Variants in ALK observed in about 807,000 individuals in gnomAD.
ALK encodes ALK receptor tyrosine kinase, also known as ALK tyrosine kinase receptor.
In ALK, 74 loss-of-function variants were observed where a neutral mutation model predicts 163.1. The observed-to-expected ratio is 0.45, with a 90% CI of 0.38 to 0.55. ALK has a LOEUF of 0.55. ALK is among the 20% of genes least tolerant of loss of function. The pLI is 0.00. For missense variants in ALK, 2,063 were observed against 2,105.3 expected, an observed-to-expected ratio of 0.98 and a Z score of 0.39; for synonymous variants, 960 against 843.2, an observed-to-expected ratio of 1.14 and a Z score of -2.40.
intron 5 of ALK, among the ~76,000 whole-genome samples, chr2:29,379,774 T>C (rs577923274): frequency 1.4e-4 from 21 of 152,360 alleles, no homozygotes; most frequent in African/African-American, 4.6e-4. Flanking sequence ...GGAGACCAGT[T>C]GGCTGCTGCC....
intron 1 of ALK, among the ~76,000 whole-genome samples, chr2:29,873,578 C>T (rs1303805206): frequency 1.3e-5 from 2 of 152,054 alleles, no homozygotes; most frequent in East Asian, 3.9e-4. Flanking sequence ...AACCAAGATG[C>T]TAGAAATATG....
chr2:29,426,534 C>T (rs1308419882), intron 4 of ALK, among the ~76,000 whole-genome samples: 1 of 152,052 alleles, frequency 6.6e-6, no homozygotes, highest in Non-Finnish European at 1.5e-5. Flanking sequence ...AAAACTCTGT[C>T]AATATAAAAA....
intron 4 of ALK, among the ~76,000 whole-genome samples, chr2:29,484,493 T>C (rs4530323): frequency 0.83 from 126,063 of 152,126 alleles, 52,721 homozygotes; most frequent in Non-Finnish European, 0.89. Context: ...GCTTTAAGTA[T>C]AGACTGAACA....
rs111711911 is a variant in ALK, at chr2:29,305,967, T to A, written c.1648-8910A>T. On this transcript the variant is annotated intron_variant, in intron 8 of 28. Transcript: ENST00000389048. ...GCTGATCTGACAGGAGGCAGAGCTCTGGCAGTAACGCGAGGGATGGCGAGT... is the reference window on the plus strand; with the variant it reads ...GCTGATCTGACAGGAGGCAGAGCTCAGGCAGTAACGCGAGGGATGGCGAGT... 8.4e-3 allele frequency among the ~76,000 whole-genome samples: 1,278 copies of A among 152,286 alleles called. 19 individuals are homozygous for A. The highest frequency in any genetic ancestry group is 0.029 in the African/African-American group (1,206 of 41,558).
intron 1 of ALK, among the ~76,000 whole-genome samples, chr2:29,826,023 C>G (rs1429820991): frequency 6.6e-6 from 1 of 151,956 alleles, no homozygotes; most frequent in Non-Finnish European, 1.5e-5. Context: ...AATGCTAAAC[C>G]AAACAAGTTA....
chr2:29,862,906 C>A (rs567348462), intron 1 of ALK, among the ~76,000 whole-genome samples: 1 of 151,540 alleles, frequency 6.6e-6, no homozygotes, highest in African/African-American at 2.4e-5. Flanking sequence ...CATACTGGCA[C>A]AAAAACAGAT....
At chr2:29,657,257 G>A (rs942430003) in intron 3 of ALK, among the ~76,000 whole-genome samples, 3 of 152,128 alleles carry the variant, frequency 2.0e-5, no homozygotes, top group Admixed American at 6.5e-5. Context: ...CTGAGAGGCA[G>A]CTGTTGTGGA....
At chr2:29,805,991 T>C (rs114178448) in intron 1 of ALK, among the ~76,000 whole-genome samples, 1 of 152,136 alleles carries the variant, frequency 6.6e-6, no homozygotes, top group South Asian at 2.1e-4. Context: ...GCCATGTACA[T>C]GTGAGTGAGG....
chr2:29,629,421 C>T (rs1262832253), intron 3 of ALK, among the ~76,000 whole-genome samples: 2 of 152,152 alleles, frequency 1.3e-5, no homozygotes, highest in Non-Finnish European at 2.9e-5. Flanking sequence ...CAATGGCCCA[C>T]AACAGGAGTT....
At chr2:29,269,478 C>T (rs183276891) in intron 11 of ALK, among the ~76,000 whole-genome samples, 1 of 152,302 alleles carries the variant, frequency 6.6e-6, no homozygotes, top group Admixed American at 6.5e-5. Flanking sequence ...TTTGCCACCT[C>T]TCTTCCTGGA....
intron 1 of ALK, among the ~76,000 whole-genome samples, chr2:29,832,477 A>G (rs1192355547): frequency 6.6e-6 from 1 of 152,248 alleles, no homozygotes; most frequent in African/African-American, 2.4e-5. Flanking sequence ...GAAGAGGGAT[A>G]TGTAGGGTGC....
intron 3 of ALK, among the ~76,000 whole-genome samples, chr2:29,595,151 A>T (rs1675174786): frequency 6.6e-6 from 1 of 152,140 alleles, no homozygotes; most frequent in African/African-American, 2.4e-5. Context: ...ACAGCTTAAT[A>T]TCTCAATATT....
chr2:29,764,767 T>A (rs1328664647), intron 1 of ALK, among the ~76,000 whole-genome samples: 1 of 152,226 alleles, frequency 6.6e-6, no homozygotes, highest in East Asian at 1.9e-4. Flanking sequence ...CATGTTAAAA[T>A]CCTTGGATGC....
chr2:29,827,977 C>A (rs573105941), intron 1 of ALK, among the ~76,000 whole-genome samples: 7 of 152,134 alleles, frequency 4.6e-5, no homozygotes, highest in Non-Finnish European at 5.9e-5. Context: ...AGATATAGAT[C>A]AATGGAACAG....
chr2:29,431,733 C>A (rs1214592761), intron 4 of ALK, among the ~76,000 whole-genome samples: 1 of 152,080 alleles, frequency 6.6e-6, no homozygotes, highest in Non-Finnish European at 1.5e-5. Flanking sequence ...TATGGGGTTC[C>A]ACAAAGCTCC....
chr2:29,386,869 C>T (rs1669043925), intron 4 of ALK, among the ~76,000 whole-genome samples: 1 of 152,192 alleles, frequency 6.6e-6, no homozygotes, highest in Non-Finnish European at 1.5e-5. Flanking sequence ...ACGCCAAAAA[C>T]CCAGTGAAAA....
At chr2:29,779,513 C>A (rs771434007) in intron 1 of ALK, among the ~76,000 whole-genome samples, 1 of 152,202 alleles carries the variant, frequency 6.6e-6, no homozygotes, top group African/African-American at 2.4e-5. Flanking sequence ...CAAGCCAAGG[C>A]TCTCTCTTCA....
chr2:29,559,590 C>T (rs189739436), intron 3 of ALK, among the ~76,000 whole-genome samples: 1 of 151,972 alleles, frequency 6.6e-6, no homozygotes, highest in Admixed American at 6.6e-5. Context: ...CCTTCAATCC[C>T]ATGAGAAATG....
At chr2:29,489,091 C>T (rs926353723) in intron 4 of ALK, among the ~76,000 whole-genome samples, 3 of 152,142 alleles carry the variant, frequency 2.0e-5, no homozygotes, top group African/African-American at 4.8e-5. Context: ...CAAATGAATA[C>T]ACAGAGGAGA....
Sources: gnomAD v4.1 joint callset for allele counts (sites outside exome capture counted in the v4.1 genomes callset) on GRCh38, gnomAD v4.1.1 for gene constraint, MANE v1.5 for transcripts, NCBI Gene and HGNC (gene_info 2026-07-23, HGNC 2026-07-21) for gene names.